Variants in NRXN3 observed in about 807,000 individuals in gnomAD.
NRXN3 encodes the protein neurexin 3, also known as neurexin III.
In NRXN3, 32 loss-of-function variants were observed where a neutral mutation model predicts 137.6. The observed-to-expected ratio is 0.23, with a 90% confidence interval of 0.18 to 0.31. NRXN3 has a LOEUF of 0.31. Among genes scored for constraint, NRXN3 ranks in the 10% least tolerant of loss-of-function variants. The pLI, the probability that NRXN3 is intolerant of heterozygous loss-of-function variation, is 1.00. For synonymous variants in NRXN3, 798 were observed against 784.5 expected (o/e 1.02, Z -0.29); for missense variants, 1,574 against 2,062.5 (o/e 0.76, Z 4.59).
intron 10 of NRXN3, among the ~76,000 whole-genome samples, chr14:78,923,806 G>A (rs2152831920): frequency 6.6e-6 from 1 of 152,306 alleles, no homozygotes. Flanking sequence ...GGTACTGTTA[G>A]AGTAGGAATG....
At chr14:79,836,536 C>G (rs1474529599) in intron 20 of NRXN3, among the ~76,000 whole-genome samples, 2 of 152,158 alleles carry the variant, frequency 1.3e-5, no homozygotes, top group Admixed American at 1.3e-4. Context: ...TCTCAAAAAT[C>G]TTTCTTTTGT....
chr14:78,174,456 C>T (rs1178334616), intron 1 of NRXN3, among the ~76,000 whole-genome samples: 1 of 152,126 alleles, frequency 6.6e-6, no homozygotes, highest in Non-Finnish European at 1.5e-5. Context: ...CTCCTCTCTA[C>T]AGATGATTCT....
In NRXN3 at chr14:78,338,103, A is replaced by G. The variant is rs1240734243; in HGVS notation, c.757+40243A>G. Among the ~76,000 whole-genome samples, 5 of 152,036 alleles carry G rather than the reference A, an allele frequency of 3.3e-5. No individual in the cohort carries two copies. In the East Asian group the frequency reaches 9.6e-4, roughly 29 times the overall value. ...GAGCCAGGTCTTTCTGTCCTCAAAG[A>G]CTAAATTATTCCCAGAAGAGTAAAT... is the stretch of plus-strand genomic sequence containing the variant. On this transcript the variant is annotated intron_variant, in intron 4 of 20. Transcript: ENST00000335750.
intron 4 of NRXN3, among the ~76,000 whole-genome samples, chr14:78,374,517 A>G (rs1298820718): frequency 6.6e-6 from 1 of 152,224 alleles, no homozygotes; most frequent in Non-Finnish European, 1.5e-5. Flanking sequence ...TCACACCTGT[A>G]ATCCCAGCAC....
At chr14:79,428,207 T>G (rs1188734436) in intron 15 of NRXN3, among the ~76,000 whole-genome samples, 3 of 152,226 alleles carry the variant, frequency 2.0e-5, no homozygotes, top group Non-Finnish European at 4.4e-5. Context: ...ATAGCCCATT[T>G]GTTGAACATT....
intron 4 of NRXN3, among the ~76,000 whole-genome samples, chr14:78,314,809 TAGAG>T (rs2078368218): frequency 6.6e-6 from 1 of 152,172 alleles, no homozygotes; most frequent in Non-Finnish European, 1.5e-5. Context: ...TTCTATGAGA[TAGAG>T]AATCACTTCT....
chr14:78,949,426 C>G (rs2099382081), intron 10 of NRXN3, among the ~76,000 whole-genome samples: 1 of 152,104 alleles, frequency 6.6e-6, no homozygotes, highest in Non-Finnish European at 1.5e-5. Context: ...TTTCTTCTCT[C>G]CCCCTCAACC....
chr14:79,109,494 T>C (rs2053079102), intron 15 of NRXN3, among the ~76,000 whole-genome samples: 1 of 152,144 alleles, frequency 6.6e-6, no homozygotes, highest in African/African-American at 2.4e-5. Context: ...TATGACAATA[T>C]TGGTGAACCT....
chr14:78,510,169 C>T (rs1275405838), intron 4 of NRXN3, among the ~76,000 whole-genome samples: 1 of 151,594 alleles, frequency 6.6e-6, no homozygotes, highest in African/African-American at 2.4e-5. Context: ...CCCCATGCCT[C>T]AATTTTCCCC....
At chr14:79,426,243 G>A (rs1469039343) in intron 15 of NRXN3, among the ~76,000 whole-genome samples, 3 of 152,114 alleles carry the variant, frequency 2.0e-5, no homozygotes, top group Non-Finnish European at 2.9e-5. Flanking sequence ...CAGCTGCAGC[G>A]CTACCATCAC....
chr14:78,779,448 A>G (rs2098760605), intron 8 of NRXN3, among the ~76,000 whole-genome samples: 1 of 152,130 alleles, frequency 6.6e-6, no homozygotes, highest in African/African-American at 2.4e-5. Flanking sequence ...GAATACTATC[A>G]TTGTTTCTAT....
At chr14:79,060,807 C>T (rs1176977983) in intron 15 of NRXN3, among the ~76,000 whole-genome samples, 3 of 151,916 alleles carry the variant, frequency 2.0e-5, no homozygotes, top group Admixed American at 6.6e-5. Context: ...AAAACCTTGC[C>T]TGTGTCTCTA....
intron 16 of NRXN3, among the ~76,000 whole-genome samples, chr14:79,582,115 G>GT (rs2097722213): frequency 6.6e-6 from 1 of 152,042 alleles, no homozygotes. Flanking sequence ...TTGTTTGTTT[G>GT]TTTTTTAAGT....
At chr14:78,301,354 C>A (rs1004901676) in intron 4 of NRXN3, among the ~76,000 whole-genome samples, 2 of 152,144 alleles carry the variant, frequency 1.3e-5, no homozygotes, top group Non-Finnish European at 2.9e-5. Context: ...ACAAAGCCAG[C>A]CTTTTGCCAG....
At chr14:78,654,575 T>C (rs2097771234) in intron 6 of NRXN3, among the ~76,000 whole-genome samples, 1 of 152,262 alleles carries the variant, frequency 6.6e-6, no homozygotes, top group Admixed American at 6.5e-5. Context: ...GTGTGCGTAC[T>C]TCCTAACTTC....
At chr14:79,359,562 C>T (rs1334549598) in intron 15 of NRXN3, among the ~76,000 whole-genome samples, 1 of 131,296 alleles carries the variant, frequency 7.6e-6, no homozygotes, top group Non-Finnish European at 1.5e-5. Context: ...ACATCCGTAA[C>T]ATTTAGTCTT....
intron 15 of NRXN3, among the ~76,000 whole-genome samples, chr14:79,082,563 TAC>T (rs2047271836): frequency 6.6e-6 from 1 of 152,100 alleles, no homozygotes; most frequent in Non-Finnish European, 1.5e-5. Flanking sequence ...AAAGAGATGT[TAC>T]AGATTATCTC....
At chr14:79,427,830 CA>C (rs72009535) in intron 15 of NRXN3, among the ~76,000 whole-genome samples, 1,809 of 119,304 alleles carry the variant, frequency 0.015, 18 homozygotes, top group South Asian at 0.074. Context: ...GACTCCATCT[CA>C]AAAAAAAAAA....
intron 15 of NRXN3, among the ~76,000 whole-genome samples, chr14:79,138,929 A>T (rs936890626): frequency 2.6e-5 from 4 of 152,218 alleles, no homozygotes; most frequent in African/African-American, 9.6e-5. Flanking sequence ...AGACAAAGCT[A>T]TTATGGAGGA....
Sources: allele counts gnomAD v4.1 joint callset (sites outside exome capture counted in the v4.1 genomes callset), GRCh38; gene constraint gnomAD v4.1.1; transcripts MANE v1.5; gene names NCBI Gene and HGNC (gene_info 2026-07-23, HGNC 2026-07-21).